The following PDCL2 variants were observed in gnomAD, a reference collection of about 807,000 sequenced individuals.
PDCL2 encodes the protein phosducin-like protein 2.
In PDCL2, 23 loss-of-function variants were observed where a neutral mutation model predicts 30.3. The ratio of observed to expected loss-of-function variants is 0.76; its 90% CI spans 0.55 to 1.08. PDCL2 has a LOEUF of 1.08. Among genes scored for constraint, PDCL2 ranks in the 50% least tolerant of loss-of-function variants. The pLI is 0.00. For missense variants in PDCL2, 243 were observed against 282.3 expected (o/e 0.86, Z 1.00); for synonymous variants, 68 against 86.2 (o/e 0.79, Z 1.17).
intron 1 of PDCL2, among the ~76,000 whole-genome samples, chr4:55,589,686 CAG>C: frequency 6.6e-6 from 1 of 152,290 alleles, no homozygotes; most frequent in East Asian, 1.9e-4. Flanking sequence ...TTAGCTGGGA[CAG>C]ACTCCTGTAA....
intron 1 of PDCL2, among the ~76,000 whole-genome samples, chr4:55,586,251 CAT>C (rs1297563648): frequency 3.9e-5 from 6 of 152,162 alleles, no homozygotes; most frequent in Admixed American, 6.5e-5. Flanking sequence ...TTAGTTTCCA[CAT>C]GTTTGTTAAT....
intron 1 of PDCL2, 74 bp from the exon 2 acceptor site, chr4:55,582,311 T>C: frequency 7.0e-7 from 1 of 1,423,126 alleles, no homozygotes; most frequent in South Asian, 1.4e-5. Context: ...TTCATTAAGA[T>C]GTAGCACTTC....
intron 1 of PDCL2, among the ~76,000 whole-genome samples, chr4:55,584,849 G>A (rs191537756): frequency 5.3e-5 from 8 of 152,266 alleles, no homozygotes; most frequent in Admixed American, 4.6e-4. Context: ...AATATCATCT[G>A]TAGGCTTGTT....
At chr4:55,581,079 T>C (rs557205421) in intron 2 of PDCL2, among the ~76,000 whole-genome samples, 168 bp from the exon 3 acceptor site, 2 of 152,232 alleles carry the variant, frequency 1.3e-5, no homozygotes, top group East Asian at 3.9e-4. Flanking sequence ...TGGATCACTT[T>C]AGGTCAGGAG....
intron 1 of PDCL2, among the ~76,000 whole-genome samples, chr4:55,591,700 T>TTAA (rs1008025297): frequency 3.7e-4 from 57 of 152,330 alleles, no homozygotes; most frequent in African/African-American, 1.3e-3. Context: ...ACATATGGTA[T>TTAA]TAAGACATAT....
chr4:55,569,064 C>T (rs1732354015), intron 4 of PDCL2, among the ~76,000 whole-genome samples: 1 of 152,114 alleles, frequency 6.6e-6, no homozygotes. Context: ...CTAACCACCC[C>T]TTTGAGTTAC....
At chr4:55,584,006 C>A (rs1346327395) in intron 1 of PDCL2, among the ~76,000 whole-genome samples, 1 of 152,160 alleles carries the variant, frequency 6.6e-6, no homozygotes, top group Non-Finnish European at 1.5e-5. Context: ...GTAATATGAA[C>A]ACTTTAACAA....
At chr4:55,563,290 C>T (rs1013520776) in intron 4 of PDCL2, among the ~76,000 whole-genome samples, 1 of 152,170 alleles carries the variant, frequency 6.6e-6, no homozygotes, top group Admixed American at 6.5e-5. Context: ...ACATTCCTTC[C>T]ACCTCCCTTG....
chr4:55,558,744 TA>T, intron 5 of PDCL2, among the ~76,000 whole-genome samples: 1 of 152,274 alleles, frequency 6.6e-6, no homozygotes, highest in East Asian at 1.9e-4. Flanking sequence ...ACATGCAAAG[TA>T]AAGAAAAAGA....
intron 1 of PDCL2, among the ~76,000 whole-genome samples, chr4:55,589,368 AT>A (rs561443107): frequency 7.9e-5 from 12 of 152,054 alleles, no homozygotes; most frequent in East Asian, 7.7e-4. Flanking sequence ...GAGGATTTAT[AT>A]TTTTTTTCTT....
intron 1 of PDCL2, among the ~76,000 whole-genome samples, chr4:55,590,116 GA>G (rs1332068392): frequency 7.6e-6 from 1 of 131,560 alleles, no homozygotes; most frequent in Admixed American, 9.3e-5. Context: ...AGAATTGCTT[GA>G]ACCCGGGAGG....
At chr4:55,573,566 G>A (rs1187046664) in intron 3 of PDCL2, among the ~76,000 whole-genome samples, 1 of 151,966 alleles carries the variant, frequency 6.6e-6, no homozygotes, top group Non-Finnish European at 1.5e-5. Flanking sequence ...CCTGGCCAAC[G>A]TGGTGAAATG....
At chr4:55,589,353 C>G (rs1280583503) in intron 1 of PDCL2, among the ~76,000 whole-genome samples, 1 of 152,160 alleles carries the variant, frequency 6.6e-6, no homozygotes, top group African/African-American at 2.4e-5. Flanking sequence ...ACATCTTCCT[C>G]TACAGAGGAT....
chr4:55,591,293 A>G (rs1732992899), intron 1 of PDCL2, among the ~76,000 whole-genome samples: 1 of 139,662 alleles, frequency 7.2e-6, no homozygotes. Flanking sequence ...TACTGTACCA[A>G]AAAAAAAAAA....
chr4:55,584,143 A>C (rs962596596), intron 1 of PDCL2, among the ~76,000 whole-genome samples: 3 of 152,138 alleles, frequency 2.0e-5, no homozygotes, highest in Non-Finnish European at 4.4e-5. Context: ...TTTATTCCTA[A>C]GTATTTACTT....
At chr4:55,569,966 A>G in intron 3 of PDCL2, 105 bp from the exon 4 acceptor site, 1 of 748,562 alleles carries the variant, frequency 1.3e-6, no homozygotes, top group Non-Finnish European at 2.0e-6. Flanking sequence ...GCCTATCCAT[A>G]TCAAACACTT....
intron 5 of PDCL2, 91 bp from the exon 6 acceptor site, chr4:55,556,802 T>G (rs1286531332): frequency 2.1e-5 from 22 of 1,028,768 alleles, no homozygotes; most frequent in South Asian, 1.1e-4. Flanking sequence ...CTTAGTAATA[T>G]TACCATGGAA....
chr4:55,573,289 T>A (rs966285286), intron 3 of PDCL2, among the ~76,000 whole-genome samples: 1 of 152,216 alleles, frequency 6.6e-6, no homozygotes, highest in Non-Finnish European at 1.5e-5. Context: ...TGTGTATAAA[T>A]TTTTTTCATC....
At position 55,556,615 on chromosome 4, in the gene PDCL2, C is replaced by A. The variant is rs1393917230; in HGVS notation, c.668G>T (p.Arg223Ile). The change falls in exon 6 of 6, where the codon AGA (arginine) becomes ATA (isoleucine). Residue 223 changes from arginine (R) to isoleucine (I), a missense_variant. Physicochemically the swap from Arg to Ile is moderately conservative, Grantham distance 97. Coordinates refer to ENST00000295645, the MANE Select transcript of PDCL2 (RefSeq NM_152401.3). ...ACTGTCATCATGAATAGAAGTGTTT[C>A]TAATTGAAGATACCATCATATCTAC... ...DMVDMMVSSI[R>I]NTSIHDDSDS... 1.3e-6 allele frequency: 2 copies of A among 1,574,964 alleles called. No individual in the cohort carries two copies. Among genetic ancestry groups the A allele is most frequent in the Non-Finnish European group, 1.7e-6 (2 of 1,156,988 alleles).
Sources: allele counts gnomAD v4.1 joint callset (sites outside exome capture counted in the v4.1 genomes callset), GRCh38; gene constraint gnomAD v4.1.1; transcripts MANE v1.5; gene names NCBI Gene and HGNC (gene_info 2026-07-23, HGNC 2026-07-21).